The following DLG2 variants were observed in gnomAD, a reference collection of about 807,000 sequenced individuals.
DLG2 encodes disks large homolog 2.
A neutral mutation model predicts 132.5 loss-of-function variants in DLG2; 45 were observed. That is an observed-to-expected ratio of 0.34 (90% CI 0.27 to 0.44). The LOEUF (loss-of-function observed/expected upper bound fraction) is 0.44. Ranked by LOEUF, DLG2 falls within the 20% of genes least tolerant of loss-of-function variation. The pLI, the probability that DLG2 is intolerant of heterozygous loss-of-function variation, is 1.00. For synonymous variants in DLG2, 424 were observed against 419.6 expected, an observed-to-expected ratio of 1.01 and a Z score of -0.13; for missense variants, 1,045 against 1,196.9, an observed-to-expected ratio of 0.87 and a Z score of 1.87.
Position 85,069,131 on chromosome 11 carries a change from C to T in DLG2, c.357+42530G>A, listed in dbSNP as rs1442939118. Reference sequence around the variant, plus strand: ...AAGCTGAAACTGGATCCCCTCCTTACACTTTATACAAAAATTAATTCAAGA... The same window carrying T: ...AAGCTGAAACTGGATCCCCTCCTTATACTTTATACAAAAATTAATTCAAGA... On this transcript the variant is annotated intron_variant, in intron 6 of 27. Coordinates refer to ENST00000376104, the MANE Select transcript of DLG2 (RefSeq NM_001142699.3). Among the ~76,000 whole-genome samples the T allele has an allele frequency of 2.6e-5, 4 of 151,770 alleles. No homozygotes were observed. In the East Asian group the frequency reaches 7.7e-4, roughly 29 times the overall value.
At chr11:84,619,490 A>G (rs1314969972) in intron 6 of DLG2, among the ~76,000 whole-genome samples, 1 of 151,764 alleles carries the variant, frequency 6.6e-6, no homozygotes. Flanking sequence ...TAATAATACC[A>G]GAATAATAAA....
chr11:85,014,048 A>G (rs1325308381), intron 6 of DLG2, among the ~76,000 whole-genome samples: 6 of 152,240 alleles, frequency 3.9e-5, no homozygotes, highest in Admixed American at 3.3e-4. Flanking sequence ...GAGGACTCCA[A>G]TATCAAGAAA....
intron 6 of DLG2, among the ~76,000 whole-genome samples, chr11:84,631,348 G>T (rs2099631838): frequency 6.6e-6 from 1 of 152,028 alleles, no homozygotes; most frequent in Non-Finnish European, 1.5e-5. Context: ...TAATTAAGAA[G>T]ACTGGTCATA....
intron 6 of DLG2, among the ~76,000 whole-genome samples, chr11:84,995,840 C>A (rs2057599212): frequency 6.6e-6 from 1 of 152,172 alleles, no homozygotes; most frequent in East Asian, 1.9e-4. Flanking sequence ...GTTAGCAATA[C>A]AGACTATTCT....
intron 3 of DLG2, among the ~76,000 whole-genome samples, chr11:85,411,489 A>G (rs536550854): frequency 6.6e-6 from 1 of 151,924 alleles, no homozygotes; most frequent in South Asian, 2.1e-4. Context: ...TTAATAACAA[A>G]TTTGTTGTTG....
intron 18 of DLG2, among the ~76,000 whole-genome samples, chr11:83,685,330 T>A (rs2079546742): frequency 6.6e-6 from 1 of 152,170 alleles, no homozygotes; most frequent in Non-Finnish European, 1.5e-5. Context: ...TTTAATGACT[T>A]CAATCAGGCT....
chr11:83,945,349 T>C (rs2083580684), intron 14 of DLG2, among the ~76,000 whole-genome samples: 1 of 152,276 alleles, frequency 6.6e-6, no homozygotes, highest in Admixed American at 6.5e-5. Context: ...GAGCTTCCTG[T>C]TTTTTCTTCC....
chr11:85,383,597 A>G (rs145004072), intron 3 of DLG2, among the ~76,000 whole-genome samples: 65 of 152,334 alleles, frequency 4.3e-4, no homozygotes, highest in African/African-American at 1.5e-3. Context: ...TGCAAATATT[A>G]GCACACGGTA....
intron 3 of DLG2, among the ~76,000 whole-genome samples, chr11:85,586,972 C>A (rs956844666): frequency 6.6e-6 from 1 of 152,180 alleles, no homozygotes; most frequent in East Asian, 1.9e-4. Flanking sequence ...CATTCAGGGG[C>A]AGATTATTGA....
intron 10 of DLG2, among the ~76,000 whole-genome samples, chr11:84,062,727 A>C (rs1230391007): frequency 1.0e-5 from 1 of 100,110 alleles, no homozygotes; most frequent in Non-Finnish European, 2.2e-5. Flanking sequence ...CTCAGAGTTG[A>C]TTGTTTTAAT....
At chr11:85,296,205 C>A (rs1228732404) in intron 3 of DLG2, among the ~76,000 whole-genome samples, 2 of 152,080 alleles carry the variant, frequency 1.3e-5, no homozygotes, top group African/African-American at 4.8e-5. Context: ...CTGTCAGGCA[C>A]ATAAGTATAG....
intron 18 of DLG2, among the ~76,000 whole-genome samples, chr11:83,675,031 A>G (rs1350807996): frequency 6.6e-6 from 1 of 152,260 alleles, no homozygotes; most frequent in Non-Finnish European, 1.5e-5. Context: ...AGTAAATAAC[A>G]GTTTTGTCAC....
intron 16 of DLG2, among the ~76,000 whole-genome samples, chr11:83,850,510 G>A (rs888741861): frequency 1.3e-5 from 2 of 151,984 alleles, no homozygotes; most frequent in South Asian, 4.1e-4. Context: ...GATGGGGAGT[G>A]GGATAATAAT....
At position 84,579,188 on chromosome 11, in the gene DLG2, C is replaced by CGTGTAT. The variant is rs1555057730; in HGVS notation, c.358-44458_358-44457insATACAC. ...GAACTAATACACCTTGCATTATTCACGTGTGTGTGTGTGTGTGTGTGTGTG... is the reference window on the plus strand; with the variant it reads ...GAACTAATACACCTTGCATTATTCACGTGTATGTGTGTGTGTGTGTGTGTGTGTGTG... On this transcript the variant is annotated intron_variant, in intron 6 of 27. Transcript: ENST00000376104. Among the ~76,000 whole-genome samples the CGTGTAT allele has an allele frequency of 3.3e-3, 477 of 145,692 alleles. 2 individuals are homozygous for CGTGTAT. Among genetic ancestry groups the CGTGTAT allele is most frequent in the Middle Eastern group, 0.011 (3 of 282 alleles).
At chr11:83,744,940 A>G (rs985562042) in intron 18 of DLG2, among the ~76,000 whole-genome samples, 1 of 152,216 alleles carries the variant, frequency 6.6e-6, no homozygotes. Context: ...AGGGAAAAAT[A>G]ATTCACTTTC....
intron 7 of DLG2, among the ~76,000 whole-genome samples, chr11:84,444,105 G>A (rs2099025619): frequency 2.0e-5 from 3 of 151,592 alleles, no homozygotes; most frequent in African/African-American, 4.9e-5. Flanking sequence ...GCCAATTAAT[G>A]CAGGAACAGA....
chr11:84,130,680 T>C (rs148131623), intron 9 of DLG2, among the ~76,000 whole-genome samples: 4 of 151,968 alleles, frequency 2.6e-5, no homozygotes, highest in Non-Finnish European at 5.9e-5. Flanking sequence ...AGTACTCTAT[T>C]TGTGTCCAAC....
chr11:84,289,648 C>T (rs558989315), intron 7 of DLG2, among the ~76,000 whole-genome samples: 2 of 152,218 alleles, frequency 1.3e-5, no homozygotes, highest in East Asian at 3.9e-4. Flanking sequence ...GTCTAACCTC[C>T]TGAAGCCTAG....
chr11:83,665,127 G>A (rs912846518), intron 18 of DLG2, among the ~76,000 whole-genome samples: 5 of 152,222 alleles, frequency 3.3e-5, no homozygotes, highest in Admixed American at 6.5e-5. Flanking sequence ...TGAAGTGTGT[G>A]CCTGTAAGAG....
Sources: allele counts gnomAD v4.1 joint callset (sites outside exome capture counted in the v4.1 genomes callset), GRCh38; gene constraint gnomAD v4.1.1; transcripts MANE v1.5; gene names NCBI Gene and HGNC (gene_info 2026-07-23, HGNC 2026-07-21).